STAG1: variants seen among roughly 807,000 people sequenced by gnomAD.
STAG1 encodes the protein cohesin subunit SA-1.
In STAG1, 26 loss-of-function variants were observed where a neutral mutation model predicts 170.9. The ratio of observed to expected loss-of-function variants is 0.15; its 90% CI spans 0.11 to 0.21. STAG1 has a LOEUF of 0.21. STAG1 is among the 10% of genes least tolerant of loss of function. The probability of loss-of-function intolerance (pLI) is 1.00; values close to 1 mark genes in which losing one functional copy is unlikely to be tolerated. For synonymous variants in STAG1, 514 were observed against 497.7 expected, an observed-to-expected ratio of 1.03 and a Z score of -0.44; for missense variants, 964 against 1,509.5, an observed-to-expected ratio of 0.64 and a Z score of 5.99.
At chr3:136,623,772 T>G (rs866835655) in intron 2 of STAG1, among the ~76,000 whole-genome samples, 6 of 151,850 alleles carry the variant, frequency 4.0e-5, no homozygotes, top group Non-Finnish European at 7.4e-5. Flanking sequence ...CTGGCCAACA[T>G]AGTAAAACCC....
chr3:136,534,296 A>C (rs1935516194), intron 6 of STAG1, among the ~76,000 whole-genome samples: 1 of 152,184 alleles, frequency 6.6e-6, no homozygotes. Flanking sequence ...AACCTATAAA[A>C]CTAGTAGAAG....
rs1560091864 is a variant in STAG1, at chr3:136,405,258, T to TTTTTTTTTTTTTTTTC, written c.2197-6430_2197-6429insGAAAAAAAAAAAAAAA. The stretch of plus-strand genomic sequence containing the variant: ...TTTTTTTTTTTTTTTTTTTTTTTTT[T>TTTTTTTTTTTTTTTTC]TCAGACGAAGTCTCACTCTGTTGCC... On this transcript the variant is annotated intron_variant, in intron 21 of 33. Transcript: ENST00000383202. 1.5e-4 allele frequency among the ~76,000 whole-genome samples: 17 copies of TTTTTTTTTTTTTTTTC among 115,700 alleles called. 1 individual carries two copies. Among genetic ancestry groups the TTTTTTTTTTTTTTTTC allele is most frequent in the African/African-American group, 4.4e-4 (13 of 29,356 alleles). 75.9% of individuals were successfully genotyped at this position (115,700 alleles called of 152,430 possible).
At chr3:136,503,241 G>A (rs1214693412) in intron 7 of STAG1, among the ~76,000 whole-genome samples, 1 of 151,976 alleles carries the variant, frequency 6.6e-6, no homozygotes, top group Non-Finnish European at 1.5e-5. Flanking sequence ...CCCCATATAT[G>A]GTCCTCTCCC....
intron 10 of STAG1, among the ~76,000 whole-genome samples, chr3:136,475,901 A>T (rs9854084): frequency 0.74 from 111,853 of 152,092 alleles, 41,329 homozygotes; most frequent in East Asian, 0.86. Context: ...TTCCTTTAGA[A>T]AGAGAACTGA....
At chr3:136,730,867 G>C (rs1401324299) in intron 1 of STAG1, among the ~76,000 whole-genome samples, 3 of 152,190 alleles carry the variant, frequency 2.0e-5, no homozygotes, top group Non-Finnish European at 2.9e-5. Flanking sequence ...CTATAGCAAT[G>C]ATTCTTAAAC....
chr3:136,459,116 G>A (rs1272318583), intron 13 of STAG1, among the ~76,000 whole-genome samples: 1 of 151,958 alleles, frequency 6.6e-6, no homozygotes, highest in African/African-American at 2.4e-5. Context: ...TACTCGGGAG[G>A]CTGAGGCAGG....
At chr3:136,429,321 C>T (rs528533703) in intron 16 of STAG1, among the ~76,000 whole-genome samples, 3 of 152,104 alleles carry the variant, frequency 2.0e-5, no homozygotes, top group Non-Finnish European at 4.4e-5. Context: ...GCAGGAGAAT[C>T]GCTTGAACCC....
At chr3:136,375,822 T>G (rs1937567698) in intron 23 of STAG1, among the ~76,000 whole-genome samples, 1 of 150,896 alleles carries the variant, frequency 6.6e-6, no homozygotes, top group Admixed American at 6.6e-5. Flanking sequence ...ACAAAAAAAT[T>G]AGCCAGGCGT....
rs544801448 is a variant in STAG1, at chr3:136,655,969, T to C, written c.-83-24988A>G. Among the ~76,000 whole-genome samples, 10 of 152,270 alleles carry C rather than the reference T, an allele frequency of 6.6e-5. No homozygotes were observed. The South Asian group carries it at 2.1e-3, about 32-fold the overall frequency. ...AAATGAGGTCTTGAAGACATATTTATACACCCATGTTCATAGTAACATTAT... is the reference window on the plus strand; with the variant it reads ...AAATGAGGTCTTGAAGACATATTTACACACCCATGTTCATAGTAACATTAT... On this transcript the variant is annotated intron_variant, in intron 1 of 33. Transcript: ENST00000383202.
intron 4 of STAG1, among the ~76,000 whole-genome samples, chr3:136,575,217 T>G (rs1937410245): frequency 6.6e-6 from 1 of 152,168 alleles, no homozygotes; most frequent in Non-Finnish European, 1.5e-5. Flanking sequence ...TCTACCTTTT[T>G]GGTAGTGGGT....
chr3:136,700,974 C>T (rs1031103567), intron 1 of STAG1, among the ~76,000 whole-genome samples: 6 of 149,728 alleles, frequency 4.0e-5, no homozygotes, highest in Non-Finnish European at 7.4e-5. Context: ...CTCGACCTCC[C>T]GGGTTCAAGT....
chr3:136,409,196 G>A (rs1273736039), intron 21 of STAG1, among the ~76,000 whole-genome samples: 3 of 152,008 alleles, frequency 2.0e-5, no homozygotes, highest in Non-Finnish European at 4.4e-5. Flanking sequence ...CCTGGGAGGC[G>A]GAGGTTGCAG....
At chr3:136,643,246 C>T (rs746575492) in intron 1 of STAG1, among the ~76,000 whole-genome samples, 1 of 152,292 alleles carries the variant, frequency 6.6e-6, no homozygotes, top group East Asian at 1.9e-4. Flanking sequence ...GAAGCAACTC[C>T]TCTATGCTAG....
At chr3:136,344,544 T>C (rs539629980) in intron 29 of STAG1, among the ~76,000 whole-genome samples, 1 of 152,254 alleles carries the variant, frequency 6.6e-6, no homozygotes, top group South Asian at 2.1e-4. Context: ...AGGTTCACCA[T>C]TTTCATGCCT....
At chr3:136,354,920 A>C (rs910680813) in intron 28 of STAG1, among the ~76,000 whole-genome samples, 2 of 152,124 alleles carry the variant, frequency 1.3e-5, no homozygotes, top group African/African-American at 4.8e-5. Flanking sequence ...AGAAAGTGAA[A>C]GGATGGAAAA....
chr3:136,478,177 A>G lies in STAG1; in HGVS notation c.903-765T>C, dbSNP rs532889370. On this transcript the variant is annotated intron_variant, in intron 9 of 33. Coordinates refer to ENST00000383202, the MANE Select transcript of STAG1 (RefSeq NM_005862.3). The stretch of plus-strand genomic sequence containing the variant: ...TTCAAGGCACAGGTCTTTCATCTGT[A>G]ATAATATATTTTTTAGGCTGAGACG... Among the ~76,000 whole-genome samples, 3 of 152,214 alleles carry G rather than the reference A, an allele frequency of 2.0e-5. No individual in the cohort carries two copies. In the South Asian group the frequency reaches 6.2e-4, roughly 31 times the overall value.
At chr3:136,426,797 G>A (rs1308362399) in intron 16 of STAG1, among the ~76,000 whole-genome samples, 1 of 152,112 alleles carries the variant, frequency 6.6e-6, no homozygotes, top group Non-Finnish European at 1.5e-5. Flanking sequence ...GGCTGAGCGT[G>A]GTGGCTCACG....
chr3:136,514,144 A>G (rs918840089), intron 7 of STAG1, among the ~76,000 whole-genome samples: 5 of 152,206 alleles, frequency 3.3e-5, no homozygotes, highest in African/African-American at 4.8e-5. Context: ...AAAATATTCT[A>G]GTGTACAATA....
intron 21 of STAG1, among the ~76,000 whole-genome samples, chr3:136,405,407 A>T (rs533592667): frequency 3.3e-5 from 5 of 151,778 alleles, no homozygotes; most frequent in African/African-American, 1.2e-4. Flanking sequence ...ATGCCCAGCT[A>T]ATTTTTATAT....
Sources: gnomAD v4.1 joint callset for allele counts (sites outside exome capture counted in the v4.1 genomes callset) on GRCh38, gnomAD v4.1.1 for gene constraint, MANE v1.5 for transcripts, NCBI Gene and HGNC (gene_info 2026-07-23, HGNC 2026-07-21) for gene names.